Variants in CUBN observed in about 807,000 individuals in gnomAD.
CUBN encodes the protein cubilin.
In CUBN, 282 loss-of-function variants were observed where a neutral mutation model predicts 405.3. The ratio of observed to expected loss-of-function variants is 0.70; its 90% confidence interval spans 0.63 to 0.77. The LOEUF (loss-of-function observed/expected upper bound fraction) is 0.77. Among genes scored for constraint, CUBN ranks in the 30% least tolerant of loss-of-function variants. The pLI is 0.00. For missense variants in CUBN, 4,514 were observed against 4,475.2 expected (o/e 1.01, Z -0.25); for synonymous variants, 1,684 against 1,617.0 (o/e 1.04, Z -0.99).
chr10:16,875,030 T>G (rs1840459873), intron 57 of CUBN, among the ~76,000 whole-genome samples: 1 of 152,110 alleles, frequency 6.6e-6, no homozygotes, highest in Non-Finnish European at 1.5e-5. Context: ...GTTCCTTCTG[T>G]GGGCTCAAAT....
intron 28 of CUBN, among the ~76,000 whole-genome samples, chr10:17,014,661 A>G (rs1834279142): frequency 6.6e-6 from 1 of 152,186 alleles, no homozygotes; most frequent in African/African-American, 2.4e-5. Context: ...TTAGCTAGAA[A>G]TTTCAAGAGA....
In CUBN at chr10:17,083,538, T is replaced by TACATACATACATACAC. The variant is rs1836022125; in HGVS notation, c.2301+732_2301+733insGTGTATGTATGTATGT. Among the ~76,000 whole-genome samples, 3 of 152,112 alleles carry TACATACATACATACAC rather than the reference T, an allele frequency of 2.0e-5. No individual in the cohort carries two copies. The South Asian group carries it at 6.2e-4, about 32-fold the overall frequency. ...ATAAATACATACATACATACATACA[T>TACATACATACATACAC]ACATACATACTGCTGTAGTGCTATG... On this transcript the variant is annotated intron_variant, in intron 17 of 66. Coordinates refer to ENST00000377833, the MANE Select transcript of CUBN (RefSeq NM_001081.4).
In CUBN at chr10:16,918,647, C is replaced by T. The variant is rs1421266699; in HGVS notation, c.6975G>A (p.Val2325=). 2 of 1,613,812 alleles carry T rather than the reference C, an allele frequency of 1.2e-6. No homozygotes were observed. The highest frequency in any genetic ancestry group is 1.3e-5 in the African/African-American group (1 of 75,020). ...CTATAGAATACTTGGCCTTGAATCC[C>T]ACATGTGTGGGGCTGTTGTCAGATC... ...RFRSDNSPTH[V]GFKAKYSIAQ... Residue 2325 remains valine, a synonymous_variant, in exon 45 of 67, where the codon GTG becomes GTA. Coordinates refer to ENST00000377833, the MANE Select transcript of CUBN (RefSeq NM_001081.4).
intron 11 of CUBN, 24 bp downstream of exon 11, chr10:17,105,433 C>G: frequency 7.7e-7 from 1 of 1,297,760 alleles, no homozygotes; most frequent in South Asian, 1.2e-5. Context: ...TACTCTCTGT[C>G]CACAGGAAAA....
chr10:16,865,599 T>C (rs1224951957), intron 59 of CUBN, among the ~76,000 whole-genome samples: 1 of 152,120 alleles, frequency 6.6e-6, no homozygotes, highest in African/African-American at 2.4e-5. Context: ...ATCAGCGCTC[T>C]GTAGCTAGCA....
At position 16,835,209 on chromosome 10, in the gene CUBN, T is replaced by C. The variant is rs886046864; in HGVS notation, c.10181-14A>G. The C allele has an allele frequency of 5.0e-6, 8 of 1,602,606 alleles. No individual in the cohort carries two copies. Among genetic ancestry groups the C allele is most frequent in the Non-Finnish European group, 6.8e-6 (8 of 1,169,656 alleles). ...CTCTGTTGCAATCTTAGAGGAAAAA[T>C]AGGCATAATTAATGTACGCATTCCA... is the stretch of plus-strand genomic sequence containing the variant. On this transcript the variant is annotated splice_polypyrimidine_tract_variant and intron_variant, in intron 63 of 66. Transcript: ENST00000377833.
intron 36 of CUBN, 115 bp downstream of exon 36, chr10:16,947,120 G>GA (rs1171203853): frequency 5.1e-6 from 6 of 1,167,900 alleles, no homozygotes; most frequent in Non-Finnish European, 7.6e-6. Context: ...AGGAAATTTG[G>GA]AAAAATACTT....
At chr10:16,825,931 T>G (rs1309147661) in intron 66 of CUBN, among the ~76,000 whole-genome samples, 2 of 149,382 alleles carry the variant, frequency 1.3e-5, no homozygotes, top group Non-Finnish European at 3.0e-5. Context: ...AAGAGATACA[T>G]CAAGGAATAT....
intron 17 of CUBN, among the ~76,000 whole-genome samples, chr10:17,073,444 C>CTTTT (rs11349387): frequency 8.2e-5 from 9 of 109,782 alleles, no homozygotes; most frequent in South Asian, 5.6e-4. Context: ...ATAACCAGCT[C>CTTTT]TTTTTTTTTT....
At chr10:16,936,174 T>A (rs767662599) in intron 39 of CUBN, among the ~76,000 whole-genome samples, 2 of 152,184 alleles carry the variant, frequency 1.3e-5, no homozygotes, top group African/African-American at 2.4e-5. Flanking sequence ...TAATAAAATA[T>A]TAGAAGAAAA....
At chr10:16,838,975 T>C (rs1297406644) in intron 62 of CUBN, among the ~76,000 whole-genome samples, 5 of 152,168 alleles carry the variant, frequency 3.3e-5, no homozygotes, top group African/African-American at 1.2e-4. Context: ...TATATTACCA[T>C]GAATATAAAC....
Position 16,840,412 on chromosome 10 carries a change from T to G in CUBN, c.9950A>C (p.Gln3317Pro), listed in dbSNP as rs763488541. ...TAATGCCCACACAGTTATCTTGACC[T>G]GCTGATGCGGAGGGGAATCAATGAC... ...TWVIDSPPHQQVKITVWALQL... is the reference protein window; with the variant it reads ...TWVIDSPPHQPVKITVWALQL... Residue 3317 changes from glutamine to proline, a missense_variant, in exon 62 of 67, where the codon CAG becomes CCG. Coordinates refer to ENST00000377833, the MANE Select transcript of CUBN (RefSeq NM_001081.4). 1 of 1,614,050 alleles carries G rather than the reference T, an allele frequency of 6.2e-7. No homozygotes were observed. Among genetic ancestry groups the G allele is most frequent in the Non-Finnish European group, 8.5e-7 (1 of 1,180,028 alleles).
chr10:16,948,526 T>C lies in CUBN; in HGVS notation c.5161A>G (p.Ser1721Gly). 1.2e-6 allele frequency: 2 copies of C among 1,614,106 alleles called. No homozygotes were observed. The highest frequency in any genetic ancestry group is 2.2e-5 in the South Asian group (2 of 91,084). Residue 1721 changes from serine (S) to glycine (G), a missense_variant, in exon 35 of 67, where the codon AGC becomes GGC. Transcript: ENST00000377833. ...GTGTGGAAACCCCCAGCACTGATGC[T>C]AGAATCAGAGACGAATCTCAGCGTC... Reference protein sequence around the residue: ...ALTLRFVSDSSISAGGFHTTV... With the variant: ...ALTLRFVSDSGISAGGFHTTV...
chr10:16,889,956 G>T (rs11597490), intron 55 of CUBN, among the ~76,000 whole-genome samples: 90,644 of 130,000 alleles, frequency 0.7, 32,179 homozygotes, highest in Middle Eastern at 0.77. Context: ...AAAAAAAACA[G>T]GAAAGACTTC....
At chr10:16,973,600 C>A (rs936723316) in intron 31 of CUBN, among the ~76,000 whole-genome samples, 1 of 126,704 alleles carries the variant, frequency 7.9e-6, no homozygotes. Context: ...AGGTAATGAG[C>A]AAAGAACGTG....
intron 28 of CUBN, among the ~76,000 whole-genome samples, chr10:16,992,495 A>C (rs1056416310): frequency 2.0e-5 from 3 of 152,148 alleles, no homozygotes; most frequent in Admixed American, 6.5e-5. Context: ...GTAAGACACC[A>C]AGTCTGAGAT....
intron 54 of CUBN, among the ~76,000 whole-genome samples, chr10:16,896,831 G>T (rs766189385): frequency 2.0e-5 from 3 of 152,086 alleles, no homozygotes; most frequent in Non-Finnish European, 4.4e-5. Flanking sequence ...AGTCTGTGTT[G>T]ATCTAGTTTG....
At chr10:16,977,727 G>T (rs926849336) in intron 31 of CUBN, among the ~76,000 whole-genome samples, 3 of 152,204 alleles carry the variant, frequency 2.0e-5, no homozygotes, top group African/African-American at 7.2e-5. Context: ...GCCCACTAGG[G>T]CTCTGGGAGT....
At chr10:17,108,803 T>C (rs772911703) in intron 10 of CUBN, among the ~76,000 whole-genome samples, 20 of 151,952 alleles carry the variant, frequency 1.3e-4, no homozygotes, top group Non-Finnish European at 7.4e-5. Flanking sequence ...AAAAACAACA[T>C]GCCAGGAAAA....
Sources: allele counts gnomAD v4.1 joint callset (sites outside exome capture counted in the v4.1 genomes callset), GRCh38; gene constraint gnomAD v4.1.1; transcripts MANE v1.5; gene names NCBI Gene and HGNC (gene_info 2026-07-23, HGNC 2026-07-21).